FNBP1: variants seen among roughly 807,000 people sequenced by gnomAD.
FNBP1 encodes the protein formin binding protein 1, also known as formin-binding protein 1.
In FNBP1, 26 loss-of-function variants were observed where a neutral mutation model predicts 90.6. The ratio of observed to expected loss-of-function variants is 0.29; its 90% CI spans 0.21 to 0.40. The LOEUF (loss-of-function observed/expected upper bound fraction) is 0.40. Ranked by LOEUF, FNBP1 falls within the 10% of genes least tolerant of loss-of-function variation. The probability of loss-of-function intolerance (pLI) is 1.00; values close to 1 mark genes in which losing one functional copy is unlikely to be tolerated. For synonymous variants in FNBP1, 260 were observed against 265.2 expected (o/e 0.98, Z 0.19); for missense variants, 635 against 768.0 (o/e 0.83, Z 2.05).
intron 16 of FNBP1, among the ~76,000 whole-genome samples, chr9:129,894,197 C>T (rs998872190): frequency 5.3e-5 from 8 of 152,046 alleles, no homozygotes; most frequent in Admixed American, 2.0e-4. Flanking sequence ...TCTGACCCAA[C>T]ACCTTCATTC....
intron 11 of FNBP1, chr9:129,914,948 A>G: frequency 2.2e-6 from 1 of 456,144 alleles, no homozygotes; most frequent in Non-Finnish European, 4.5e-6. Context: ...TACATATTTG[A>G]AGTATAGTTA....
chr9:129,896,910 C>A (rs1363781863), intron 15 of FNBP1, among the ~76,000 whole-genome samples: 1 of 152,208 alleles, frequency 6.6e-6, no homozygotes, highest in Non-Finnish European at 1.5e-5. Context: ...GGATTACAGG[C>A]GTGAGCCACC....
intron 1 of FNBP1, among the ~76,000 whole-genome samples, chr9:129,996,105 C>G (rs2053958443): frequency 6.6e-6 from 1 of 152,078 alleles, no homozygotes; most frequent in Non-Finnish European, 1.5e-5. Flanking sequence ...AACAGAAGAT[C>G]CAGATAAGAA....
intron 1 of FNBP1, among the ~76,000 whole-genome samples, chr9:130,038,870 G>C (rs1445346610): frequency 6.6e-6 from 1 of 152,202 alleles, no homozygotes; most frequent in African/African-American, 2.4e-5. Flanking sequence ...TAGCTGCAAA[G>C]AGAATAATTA....
At chr9:129,941,603 C>A (rs543962163) in intron 6 of FNBP1, among the ~76,000 whole-genome samples, 7 of 152,046 alleles carry the variant, frequency 4.6e-5, no homozygotes, top group Non-Finnish European at 1.0e-4. Flanking sequence ...GTAGATGGGA[C>A]GACAGGCACA....
At position 129,929,480 on chromosome 9, in the gene FNBP1, A is replaced by ATTAGTGGAAATTTGGAATTATATAAAG; in HGVS notation, c.642+86_642+87insCTTTATATAATTCCAAATTTCCACTAA. 3 of 1,265,130 alleles carry ATTAGTGGAAATTTGGAATTATATAAAG rather than the reference A, an allele frequency of 2.4e-6. No homozygotes were observed. The South Asian group carries it at 4.0e-5, about 17-fold the overall frequency. 78.4% of individuals were successfully genotyped at this position (1,265,130 alleles called of 1,614,324 possible). ...ATATAAAGACTCAGACTCAGAATAC[A>ATTAGTGGAAATTTGGAATTATATAAAG]AACCCAGCAATCACGATTCAGAAGT... On this transcript the variant is annotated intron_variant, in intron 7 of 16. Coordinates refer to ENST00000446176, the MANE Select transcript of FNBP1 (RefSeq NM_015033.3).
chr9:130,011,242 A>G (rs2056541737), intron 1 of FNBP1, among the ~76,000 whole-genome samples: 1 of 54,520 alleles, frequency 1.8e-5, no homozygotes, highest in Non-Finnish European at 3.5e-5. Context: ...AAAAAAAAAA[A>G]AATATATATA....
At chr9:130,008,607 G>A (rs1047507328) in intron 1 of FNBP1, among the ~76,000 whole-genome samples, 1 of 152,176 alleles carries the variant, frequency 6.6e-6, no homozygotes, top group East Asian at 1.9e-4. Context: ...GTAAGCAAGA[G>A]GAGCTTAGTC....
At chr9:130,005,317 A>G (rs2055507031) in intron 1 of FNBP1, among the ~76,000 whole-genome samples, 1 of 150,330 alleles carries the variant, frequency 6.7e-6, no homozygotes, top group Non-Finnish European at 1.5e-5. Flanking sequence ...AAAGATTTAA[A>G]TTAATTTCCA....
chr9:129,912,986 G>A (rs995454497), intron 11 of FNBP1, among the ~76,000 whole-genome samples: 14 of 152,120 alleles, frequency 9.2e-5, no homozygotes, highest in Non-Finnish European at 1.2e-4. Context: ...TTGGGAGGCC[G>A]AGGTGAGCGG....
chr9:129,984,600 G>A (rs908240487), intron 2 of FNBP1, among the ~76,000 whole-genome samples: 11 of 152,072 alleles, frequency 7.2e-5, no homozygotes, highest in Non-Finnish European at 1.2e-4. Context: ...CTGGGGGTTC[G>A]CCCCAAACCC....
intron 1 of FNBP1, among the ~76,000 whole-genome samples, chr9:129,997,965 T>C (rs2054255359): frequency 6.6e-6 from 1 of 151,454 alleles, no homozygotes; most frequent in South Asian, 2.1e-4. Flanking sequence ...GGTGGGCGGA[T>C]CACTTGAGGT....
At chr9:129,969,465 T>A (rs573022256) in intron 4 of FNBP1, among the ~76,000 whole-genome samples, 1 of 152,178 alleles carries the variant, frequency 6.6e-6, no homozygotes, top group African/African-American at 2.4e-5. Flanking sequence ...AGTAAATGAG[T>A]CAAAAACTGG....
At chr9:129,991,277 T>A (rs1239653831) in intron 2 of FNBP1, among the ~76,000 whole-genome samples, 1 of 145,516 alleles carries the variant, frequency 6.9e-6, no homozygotes, top group Non-Finnish European at 1.5e-5. Context: ...AAATGCAGAT[T>A]TTTTTTTTTT....
intron 8 of FNBP1, 106 bp downstream of exon 8, chr9:129,927,089 C>T (rs2042033300): frequency 8.5e-7 from 1 of 1,171,712 alleles, no homozygotes; most frequent in Non-Finnish European, 1.2e-6. Flanking sequence ...CCACCAAAAG[C>T]AACCATCCAC....
intron 2 of FNBP1, among the ~76,000 whole-genome samples, chr9:129,985,961 CAAAA>C (rs898462142): frequency 6.6e-5 from 3 of 45,128 alleles, no homozygotes; most frequent in Admixed American, 3.1e-4. Context: ...AGCTCCATCT[CAAAA>C]AAAAAAAAAA....
In FNBP1 at chr9:129,944,404, C is replaced by G. The variant is rs529793446; in HGVS notation, c.513+12956G>C. 2.6e-5 allele frequency among the ~76,000 whole-genome samples: 4 copies of G among 151,006 alleles called. No individual in the cohort carries two copies. In the East Asian group the frequency reaches 7.8e-4, roughly 29 times the overall value. On this transcript the variant is annotated intron_variant, in intron 6 of 16. Coordinates refer to ENST00000446176, the MANE Select transcript of FNBP1 (RefSeq NM_015033.3). ...AAAAATACAAAAATTAGCTGGGCGT[C>G]GTGGTGGGCGCCTGTAGTCCCAGCT...
chr9:129,941,907 C>T (rs2044383256), intron 6 of FNBP1, among the ~76,000 whole-genome samples: 1 of 151,990 alleles, frequency 6.6e-6, no homozygotes, highest in Non-Finnish European at 1.5e-5. Context: ...CCCATCTCTA[C>T]TAAAAATACA....
chr9:130,021,009 C>G (rs1363311910), intron 1 of FNBP1, among the ~76,000 whole-genome samples: 1 of 152,118 alleles, frequency 6.6e-6, no homozygotes, highest in African/African-American at 2.4e-5. Context: ...CTGCTGCTTG[C>G]TTGGTTGGTG....
Sources: allele counts gnomAD v4.1 joint callset (sites outside exome capture counted in the v4.1 genomes callset), GRCh38; gene constraint gnomAD v4.1.1; transcripts MANE v1.5; gene names NCBI Gene and HGNC (gene_info 2026-07-23, HGNC 2026-07-21).